TTC6: variants seen among roughly 807,000 people sequenced by gnomAD.
The protein encoded by TTC6 is tetratricopeptide repeat protein 6.
In TTC6, 172 loss-of-function variants were observed where a neutral mutation model predicts 210.4. The ratio of observed to expected loss-of-function variants is 0.82; its 90% CI spans 0.72 to 0.93. The LOEUF (loss-of-function observed/expected upper bound fraction) is 0.93. TTC6 is among the 40% of genes least tolerant of loss of function. The pLI is 0.00. For synonymous variants in TTC6, 804 were observed against 819.6 expected (o/e 0.98, Z 0.32); for missense variants, 2,414 against 2,318.1 (o/e 1.04, Z -0.85).
intron 3 of TTC6, among the ~76,000 whole-genome samples, chr14:37,693,335 AAAAACTAT>A (rs1304218221): frequency 2.0e-5 from 3 of 152,124 alleles, no homozygotes; most frequent in African/African-American, 4.8e-5. Flanking sequence ...TCTCTATAAT[AAAAACTAT>A]AAAACACTGA....
At chr14:37,622,529 C>G in exon 1 of TTC6, 1 of 1,535,110 alleles carries the variant, frequency 6.5e-7, no homozygotes, top group Non-Finnish European at 8.7e-7. Flanking sequence ...TGCCTCCGCC[C>G]GAGCCACCCG....
chr14:37,812,291 A>T (rs769712694), intron 24 of TTC6, 23 bp from the exon 27 acceptor site: 1 of 1,605,598 alleles, frequency 6.2e-7, no homozygotes, highest in Non-Finnish European at 8.5e-7. Flanking sequence ...AGTTGAATCT[A>T]TGTTACAAAT....
Position 37,768,618 on chromosome 14 carries a change from A to G in TTC6, c.3266+15383A>G, listed in dbSNP as rs925963428. Among the ~76,000 whole-genome samples, 4 of 151,266 alleles carry G rather than the reference A, an allele frequency of 2.6e-5. No homozygotes were observed. In the East Asian group the frequency reaches 5.8e-4, roughly 22 times the overall value. ...CTCTCTGTTTGTCTGTTGTTGGTGTATAAGAATGCTTGTGATTTTTGTACA... is the reference window on the plus strand; with the variant it reads ...CTCTCTGTTTGTCTGTTGTTGGTGTGTAAGAATGCTTGTGATTTTTGTACA... On this transcript the variant is annotated intron_variant, in intron 14 of 30. Coordinates refer to ENST00000553443, the Ensembl canonical transcript of TTC6.
chr14:37,837,287 A>G (rs1374946662), intron 29 of TTC6: 1 of 395,364 alleles, frequency 2.5e-6, no homozygotes, highest in African/African-American at 2.1e-5. Context: ...TTGATAATTT[A>G]TTGGTGAATT....
At position 37,777,366 on chromosome 14, in the gene TTC6, T is replaced by C. The variant is rs567261822; in HGVS notation, c.3267-10102T>C. 1.6e-4 allele frequency among the ~76,000 whole-genome samples: 25 copies of C among 152,334 alleles called. 1 individual carries two copies. In the East Asian group the frequency reaches 1.7e-3, roughly 11 times the overall value. Reference sequence around the variant, plus strand: ...GGAACTGGTCTTTGAACTCTAGATTTTTTTACTCAGCTTGGTCTGTTCTGC... The same window carrying C: ...GGAACTGGTCTTTGAACTCTAGATTCTTTTACTCAGCTTGGTCTGTTCTGC... On this transcript the variant is annotated intron_variant, in intron 14 of 30. Transcript: ENST00000553443.
intron 7 of TTC6, among the ~76,000 whole-genome samples, chr14:37,730,313 A>G (rs963849951): frequency 6.6e-5 from 10 of 152,128 alleles, no homozygotes; most frequent in Non-Finnish European, 1.5e-5. Context: ...AGTAGTCTGG[A>G]TATAATATAT....
chr14:37,607,555 T>C (rs1390292666), intron 2 of TTC6, among the ~76,000 whole-genome samples: 4 of 152,182 alleles, frequency 2.6e-5, no homozygotes, highest in African/African-American at 9.7e-5. Context: ...TTTGCATACT[T>C]CTATGTAGGA....
chr14:37,600,325 G>A (rs1410062928), intron 1 of TTC6, among the ~76,000 whole-genome samples: 1 of 152,192 alleles, frequency 6.6e-6, no homozygotes, highest in African/African-American at 2.4e-5. Context: ...ATCAGCAGAA[G>A]CCCGCGTTAA....
chr14:37,754,201 AT>A (rs1393952643), intron 14 of TTC6, among the ~76,000 whole-genome samples: 1 of 152,040 alleles, frequency 6.6e-6, no homozygotes, highest in Non-Finnish European at 1.5e-5. Flanking sequence ...TAAGGCCTGC[AT>A]GCATTAGGAA....
At position 37,613,843 on chromosome 14, in the gene TTC6, G is replaced by A. The variant is rs140703679; in HGVS notation, c.-155+7101G>A. 3.5e-3 allele frequency among the ~76,000 whole-genome samples: 537 copies of A among 151,930 alleles called. 4 individuals are homozygous for A. The highest frequency in any genetic ancestry group is 0.012 in the African/African-American group (491 of 41,436). ...TTCATTCCTGATATTGGTGATTTTC[G>A]TTCTCTTAAACAGGCTAGCCAGATG... On this transcript the variant is annotated intron_variant, in intron 2 of 2. Coordinates refer to the TTC6 transcript ENST00000556845.
At chr14:37,675,727 A>G (rs1369751082) in intron 1 of TTC6, among the ~76,000 whole-genome samples, 3 of 150,520 alleles carry the variant, frequency 2.0e-5, no homozygotes, top group Non-Finnish European at 4.4e-5. Context: ...CATCCTAGTC[A>G]AGTCTTGTTA....
chr14:37,702,904 CA>C (rs56392145), intron 5 of TTC6, among the ~76,000 whole-genome samples: 18 of 150,724 alleles, frequency 1.2e-4, no homozygotes, highest in African/African-American at 3.9e-4. Flanking sequence ...TCTATGTAGG[CA>C]AAAAAAAATT....
chr14:37,742,401 T>A (rs2095923015), intron 10 of TTC6, among the ~76,000 whole-genome samples: 1 of 143,602 alleles, frequency 7.0e-6, no homozygotes, highest in African/African-American at 2.5e-5. Context: ...TTTGTTTTGT[T>A]TTTTTGTTTT....
chr14:37,840,263 A>G (rs934129660), intron 29 of TTC6, among the ~76,000 whole-genome samples: 2 of 152,222 alleles, frequency 1.3e-5, no homozygotes, highest in Non-Finnish European at 2.9e-5. Flanking sequence ...ATTCCTGGAC[A>G]CATACACCCT....
At chr14:37,729,952 G>A (rs145213217) in intron 7 of TTC6, among the ~76,000 whole-genome samples, 89 of 152,266 alleles carry the variant, frequency 5.8e-4, no homozygotes, top group African/African-American at 2.0e-3. Flanking sequence ...GTGAGAACTG[G>A]TGACCATGGA....
At chr14:37,633,418 C>A (rs750103643) in intron 1 of TTC6, among the ~76,000 whole-genome samples, 1 of 152,116 alleles carries the variant, frequency 6.6e-6, no homozygotes, top group Non-Finnish European at 1.5e-5. Context: ...GAGGTGATGC[C>A]CCACCCAGCT....
chr14:37,685,757 G>A (rs2095792471), intron 3 of TTC6, among the ~76,000 whole-genome samples: 1 of 152,114 alleles, frequency 6.6e-6, no homozygotes. Flanking sequence ...ATGGGTTTAA[G>A]CTTGTTGCAC....
At chr14:37,834,836 C>CT (rs1174683873) in intron 29 of TTC6, among the ~76,000 whole-genome samples, 2 of 151,846 alleles carry the variant, frequency 1.3e-5, no homozygotes, top group Admixed American at 1.3e-4. Flanking sequence ...TAGGGAAAGA[C>CT]TTTTTTCTGT....
intron 14 of TTC6, among the ~76,000 whole-genome samples, chr14:37,786,288 C>T (rs1170118788): frequency 6.6e-6 from 1 of 152,198 alleles, no homozygotes; most frequent in Non-Finnish European, 1.5e-5. Flanking sequence ...TTCGAGTTTC[C>T]CAGCCGCTTT....
Sources: gnomAD v4.1 joint callset for allele counts (sites outside exome capture counted in the v4.1 genomes callset) on GRCh38, gnomAD v4.1.1 for gene constraint, MANE v1.5 for transcripts, NCBI Gene and HGNC (gene_info 2026-07-23, HGNC 2026-07-21) for gene names.